ELP6: variants seen among roughly 807,000 people sequenced by gnomAD.
ELP6 encodes elongator acetyltransferase complex subunit 6, also known as elongator complex protein 6.
ELP6 carries 23 observed loss-of-function variants against 28.1 expected under a neutral mutation model. The ratio of observed to expected loss-of-function variants is 0.82; its 90% CI spans 0.59 to 1.16. The LOEUF is 1.16. Ranked by LOEUF, ELP6 falls within the 50% of genes most tolerant of loss-of-function variation. The probability of loss-of-function intolerance (pLI) is 0.00; values close to 1 mark genes in which losing one functional copy is unlikely to be tolerated. For missense variants in ELP6, 313 were observed against 334.6 expected, an observed-to-expected ratio of 0.94 and a Z score of 0.50; for synonymous variants, 132 against 135.8, an observed-to-expected ratio of 0.97 and a Z score of 0.19.
chr3:47,511,721 A>G (rs1365620714), intron 1 of ELP6: 2 of 816,534 alleles, frequency 2.4e-6, no homozygotes, highest in Non-Finnish European at 3.0e-6. Context: ...CAGATGTCTG[A>G]TAACAAAGTT....
chr3:47,500,905 C>T (rs966190734), intron 5 of ELP6, among the ~76,000 whole-genome samples: 5 of 152,224 alleles, frequency 3.3e-5, no homozygotes, highest in Admixed American at 2.0e-4. Flanking sequence ...ACTGTCCACA[C>T]GTTCCTGCCA....
At chr3:47,501,479 C>T (rs879564423) in intron 5 of ELP6, 171 bp downstream of exon 5, 1 of 636,704 alleles carries the variant, frequency 1.6e-6, no homozygotes, top group Non-Finnish European at 2.8e-6. Context: ...CTTTACTTTT[C>T]AGCAATGGCA....
At chr3:47,502,667 T>A (rs1411176259) in intron 4 of ELP6, 20 of 596,808 alleles carry the variant, frequency 3.4e-5, no homozygotes, top group Non-Finnish European at 4.2e-5. Context: ...GGACTATACC[T>A]CTACAAAAAA....
chr3:47,513,548 T>C lies in ELP6; in HGVS notation c.43A>G (p.Arg15Gly), dbSNP rs1215049320. ...LNNLLNTTPD[R>G]AEQGKLTLLC... Reference sequence around the variant, plus strand: ...GCGGGACCTCTTACCTGCTCCGCCCTGTCGGGGGTGGTGTTAAGCAGGTTA... The same window carrying C: ...GCGGGACCTCTTACCTGCTCCGCCCCGTCGGGGGTGGTGTTAAGCAGGTTA... Residue 15 changes from arginine to glycine, a missense_variant, in exon 1 of 7, where the codon AGG (arginine) becomes GGG (glycine). By Grantham distance (125) the Arg-to-Gly change is moderately radical. Transcript: ENST00000296149. 32 of 1,612,676 alleles carry C rather than the reference T, an allele frequency of 2.0e-5. No individual in the cohort carries two copies. The highest frequency in any genetic ancestry group is 2.6e-5 in the Non-Finnish European group (31 of 1,179,364).
At chr3:47,503,889 TCAA>T (rs922803649) in intron 4 of ELP6, among the ~76,000 whole-genome samples, 17 of 151,782 alleles carry the variant, frequency 1.1e-4, no homozygotes, top group Admixed American at 2.6e-4. Context: ...AGACTCCATC[TCAA>T]CAACAACAAC....
Position 47,496,059 on chromosome 3 carries a change from C to T in ELP6, c.*10G>A, listed in dbSNP as rs530880977. The T allele has an allele frequency of 3.1e-6, 5 of 1,613,988 alleles. No individual in the cohort carries two copies. The highest frequency in any genetic ancestry group is 1.7e-5 in the Admixed American group (1 of 59,980). On this transcript the variant is annotated 3_prime_UTR_variant, in exon 7 of 7. Transcript: ENST00000296149. Reference sequence around the variant, plus strand: ...CAGTCCTATGTAGCTTCAGCTGCTCCGAAATCAGGTCACAGAACAGCAGGA... The same window carrying T: ...CAGTCCTATGTAGCTTCAGCTGCTCTGAAATCAGGTCACAGAACAGCAGGA...
chr3:47,509,832 G>T, intron 3 of ELP6: 1 of 167,568 alleles, frequency 6.0e-6, no homozygotes, highest in Non-Finnish European at 1.3e-5. Flanking sequence ...TGCGATCTCA[G>T]CTCACTGCAA....
rs1392787375 is a variant in ELP6, at chr3:47,501,812, A to C, written c.363T>G (p.Phe121Leu). Residue 121 changes from phenylalanine (F) to leucine (L), a missense_variant, in exon 5 of 7, where the codon TTT (phenylalanine) becomes TTG (leucine). Transcript: ENST00000296149. ...NAGNLKPLFE[F>L]VREALKPVDS... is the part of the protein sequence containing the mutation. The stretch of plus-strand genomic sequence containing the variant: ...CTACTGGCTTCAGGGCCTCCCGTAC[A>C]AACTCAAACAATGGTTTCAAGTTCC... The C allele has an allele frequency of 6.2e-7, 1 of 1,613,990 alleles. No individual in the cohort carries two copies. The highest frequency in any genetic ancestry group is 8.5e-7 in the Non-Finnish European group (1 of 1,179,968).
At position 47,504,345 on chromosome 3, in the gene ELP6, G is replaced by T; in HGVS notation, c.308C>A (p.Pro103His). The T allele has an allele frequency of 6.2e-7, 1 of 1,608,388 alleles. No individual in the cohort carries two copies. The highest frequency in any genetic ancestry group is 1.1e-5 in the South Asian group (1 of 90,060). The part of the protein sequence containing the change: ...VVFQAQKEPH[P>H]LQFLREANAG... The stretch of plus-strand genomic sequence containing the variant: ...GCTGACTGACCTGAGAAACTGCAGG[G>T]GGTGTGGCTCCTTTTGAGCCTGGAA... Residue 103 changes from proline to histidine, a missense_variant, in exon 4 of 7, where the codon CCC becomes CAC. Pro to His is a moderately conservative substitution (Grantham distance 77). Transcript: ENST00000296149.
At chr3:47,496,219 A>T in intron 6 of ELP6, 22 bp from the exon 7 acceptor site, 3 of 1,611,406 alleles carry the variant, frequency 1.9e-6, no homozygotes, top group Non-Finnish European at 2.5e-6. Flanking sequence ...GAGAAGAATG[A>T]AAGAGGAGCA....
intron 5 of ELP6, 36 bp from the exon 6 acceptor site, chr3:47,498,468 T>C: frequency 6.2e-7 from 1 of 1,604,478 alleles, no homozygotes. Flanking sequence ...TGCTCCTTAC[T>C]GGAAAGGACA....
In ELP6 at chr3:47,499,816, T is replaced by C. The variant is rs539091660; in HGVS notation, c.526-1384A>G. On this transcript the variant is annotated intron_variant, in intron 5 of 6. Transcript: ENST00000296149. ...TTGGGGTTCTGTCCCTGCTGGGCTGTGGCCCCAGCTGGACTGCTGCCACAG... is the reference window on the plus strand; with the variant it reads ...TTGGGGTTCTGTCCCTGCTGGGCTGCGGCCCCAGCTGGACTGCTGCCACAG... The C allele has an allele frequency of 2.0e-5, 23 of 1,126,388 alleles. 1 individual carries two copies. The South Asian group carries it at 4.6e-4, about 22-fold the overall frequency. The allele number at this position is 1,126,388 out of a possible 1,614,324, so 69.8% of individuals were successfully genotyped here. A position where few individuals can be genotyped will look rare whatever the true frequency, so the allele number is the denominator to read the frequency against.
chr3:47,501,824 T>A lies in ELP6; in HGVS notation c.351A>T (p.Pro117=). ...LREANAGNLK[P]LFEFVREALK... is the part of the protein sequence containing the mutation. ...GGGCCTCCCGTACAAACTCAAACAA[T>A]GGTTTCAAGTTCCCAGCATTAGCCT... is the stretch of plus-strand genomic sequence containing the variant. The change falls in exon 5 of 7, where the codon CCA becomes CCT. Residue 117 remains proline, a synonymous_variant. Transcript: ENST00000296149. 1 of 1,613,750 alleles carries A rather than the reference T, an allele frequency of 6.2e-7. No homozygotes were observed. Among genetic ancestry groups the A allele is most frequent in the Non-Finnish European group, 8.5e-7 (1 of 1,179,924 alleles).
chr3:47,511,534 T>A, intron 1 of ELP6: 1 of 952,954 alleles, frequency 1.0e-6, no homozygotes, highest in Non-Finnish European at 1.2e-6. Flanking sequence ...CAGGAACCAG[T>A]CTTAGGAAGA....
At chr3:47,513,453 CGG>C in intron 1 of ELP6, 82 bp downstream of exon 1, 1 of 1,569,252 alleles carries the variant, frequency 6.4e-7, no homozygotes, top group Non-Finnish European at 8.6e-7. Context: ...CGCCATTCCC[CGG>C]GGTCGTGCGC....
intron 1 of ELP6, chr3:47,512,364 G>A (rs540456853): frequency 4.8e-4 from 76 of 159,164 alleles, no homozygotes; most frequent in Middle Eastern, 6.5e-3. Context: ...GTGAAACCCC[G>A]TCTCTAACAA....
chr3:47,505,135 C>T (rs941757043), intron 3 of ELP6, among the ~76,000 whole-genome samples: 4 of 151,870 alleles, frequency 2.6e-5, no homozygotes, highest in Non-Finnish European at 5.9e-5. Context: ...GGCGTGGTGG[C>T]GGGCGCCTGC....
chr3:47,504,096 T>G (rs893275794), intron 4 of ELP6: 2 of 475,086 alleles, frequency 4.2e-6, no homozygotes, highest in Non-Finnish European at 7.3e-6. Flanking sequence ...AAGCATATAG[T>G]TCTGCCATCC....
At chr3:47,512,896 C>T (rs756822225) in intron 1 of ELP6, 3 of 985,578 alleles carry the variant, frequency 3.0e-6, no homozygotes, top group Non-Finnish European at 3.6e-6. Context: ...CCTCTGAGCG[C>T]CTGGGACCCC....
Sources: allele counts gnomAD v4.1 joint callset (sites outside exome capture counted in the v4.1 genomes callset), GRCh38; gene constraint gnomAD v4.1.1; transcripts MANE v1.5; gene names NCBI Gene and HGNC (gene_info 2026-07-23, HGNC 2026-07-21).